SPINK13: variants seen among roughly 807,000 people sequenced by gnomAD.
The protein encoded by SPINK13 is serine peptidase inhibitor Kazal type 13, also known as serine protease inhibitor Kazal-type 13.
In SPINK13, 11 loss-of-function variants were observed where a neutral mutation model predicts 11.0. The ratio of observed to expected loss-of-function variants is 1.00; its 90% CI spans 0.63 to 1.65. The LOEUF (loss-of-function observed/expected upper bound fraction) is 1.65, where lower values mean the gene tolerates loss of function less well. SPINK13 is among the 40% of genes most tolerant of loss of function. The probability of loss-of-function intolerance (pLI) is 0.00; values close to 1 mark genes in which losing one functional copy is unlikely to be tolerated. For missense variants in SPINK13, 113 were observed against 117.7 expected (o/e 0.96, Z 0.19); for synonymous variants, 31 against 35.6 (o/e 0.87, Z 0.46).
chr5:148,281,955 T>C, intron 3 of SPINK13, 149 bp from the exon 4 acceptor site: 1 of 1,123,234 alleles, frequency 8.9e-7, no homozygotes, highest in Non-Finnish European at 1.2e-6. Context: ...GAAACTGGCC[T>C]GACAGAAGGC....
chr5:148,284,588 T>A (rs1394782589), intron 4 of SPINK13, among the ~76,000 whole-genome samples: 1 of 152,158 alleles, frequency 6.6e-6, no homozygotes, highest in Non-Finnish European at 1.5e-5. Context: ...ATGACCTGAA[T>A]GTATAAACTT....
intron 3 of SPINK13, among the ~76,000 whole-genome samples, chr5:148,276,656 T>C (rs1311444450): frequency 2.0e-5 from 3 of 151,166 alleles, no homozygotes; most frequent in Non-Finnish European, 4.5e-5. Context: ...CATTGGTCTA[T>C]ACAGCTGTTT....
intron 1 of SPINK13, among the ~76,000 whole-genome samples, chr5:148,269,835 G>GAA (rs11435083): frequency 4.0e-5 from 6 of 148,892 alleles, no homozygotes; most frequent in African/African-American, 1.5e-4. Context: ...GTTTTTGGCA[G>GAA]AAAAAAAAAA....
intron 1 of SPINK13, among the ~76,000 whole-genome samples, chr5:148,269,795 C>T (rs1349211112): frequency 1.3e-5 from 2 of 152,018 alleles, no homozygotes; most frequent in African/African-American, 4.8e-5. Context: ...CCTAATTTTT[C>T]TTCCAGGCCA....
chr5:148,272,710 GTC>G (rs1756368800), intron 2 of SPINK13, among the ~76,000 whole-genome samples: 2 of 152,276 alleles, frequency 1.3e-5, no homozygotes, highest in Admixed American at 1.3e-4. Flanking sequence ...CTTCAGGTCT[GTC>G]TTTAACAAAT....
chr5:148,276,332 C>T (rs539105072), intron 3 of SPINK13, among the ~76,000 whole-genome samples: 40 of 152,120 alleles, frequency 2.6e-4, no homozygotes, highest in Non-Finnish European at 5.0e-4. Context: ...GCTTCTGTTG[C>T]CAATTGCTTT....
chr5:148,275,828 T>C (rs1009905347), intron 3 of SPINK13, among the ~76,000 whole-genome samples: 2 of 151,906 alleles, frequency 1.3e-5, no homozygotes, highest in African/African-American at 4.8e-5. Context: ...GCCTGGCTAA[T>C]TTTTTGTATT....
At chr5:148,274,476 A>C in intron 3 of SPINK13, 92 bp downstream of exon 3, 1 of 1,032,706 alleles carries the variant, frequency 9.7e-7, no homozygotes. Context: ...AGTCAGGCAC[A>C]GTGGCTCATG....
At chr5:148,273,223 G>A (rs1397694734) in intron 2 of SPINK13, among the ~76,000 whole-genome samples, 1 of 151,298 alleles carries the variant, frequency 6.6e-6, no homozygotes, top group African/African-American at 2.4e-5. Context: ...TATAAATTAT[G>A]CCCTTTATCA....
intron 3 of SPINK13, among the ~76,000 whole-genome samples, chr5:148,275,173 C>T (rs1303077704): frequency 6.6e-6 from 1 of 152,072 alleles, no homozygotes; most frequent in Admixed American, 6.6e-5. Flanking sequence ...TGTAATGTTC[C>T]CTTCCCTGTG....
Position 148,282,111 on chromosome 5 carries a change from G to A in SPINK13, c.116G>A (p.Cys39Tyr), listed in dbSNP as rs374053619. Residue 39 changes from cysteine (C) to tyrosine (Y), a missense_variant, in exon 4 of 5, where the codon TGT (cysteine) becomes TAT (tyrosine). Transcript: ENST00000398450. ...GGTGTCATGTATTTGCAGCCCCGAT[G>A]TAAAATGTATATCCCACTGGACCCT... ...RDFTRWPKPRCKMYIPLDPDY... is the reference protein window; with the variant it reads ...RDFTRWPKPRYKMYIPLDPDY... 1.2e-6 allele frequency: 2 copies of A among 1,613,988 alleles called. No homozygotes were observed. Among genetic ancestry groups the A allele is most frequent in the Non-Finnish European group, 8.5e-7 (1 of 1,179,986 alleles).
At chr5:148,280,753 A>T (rs1756500729) in intron 3 of SPINK13, among the ~76,000 whole-genome samples, 1 of 152,226 alleles carries the variant, frequency 6.6e-6, no homozygotes, top group Admixed American at 6.5e-5. Context: ...CTCAGGAGGC[A>T]CGGGGGTCAG....
chr5:148,285,406 A>G (rs1756575377), intron 4 of SPINK13, among the ~76,000 whole-genome samples: 1 of 151,064 alleles, frequency 6.6e-6, no homozygotes, highest in Non-Finnish European at 1.5e-5. Context: ...TGGATTGTTC[A>G]ATCTACACAG....
rs564953144 is a variant in SPINK13, at chr5:148,279,552, T to G, written c.109-2552T>G. 4.6e-5 allele frequency among the ~76,000 whole-genome samples: 7 copies of G among 152,290 alleles called. No homozygotes were observed. In the South Asian group the frequency reaches 1.4e-3, roughly 32 times the overall value. On this transcript the variant is annotated intron_variant, in intron 3 of 4. Coordinates refer to ENST00000398450, the MANE Select transcript of SPINK13 (RefSeq NM_001040129.3). ...CTTCCCTTATGAAGCTTAGTTTGGT[T>G]GGATATGAAATTCTGGGTTGAAAAT...
chr5:148,283,292 A>C (rs1756544350), intron 4 of SPINK13, among the ~76,000 whole-genome samples: 1 of 152,148 alleles, frequency 6.6e-6, no homozygotes, highest in African/African-American at 2.4e-5. Flanking sequence ...GATCAAACTG[A>C]TATGGAGTGC....
intron 3 of SPINK13, among the ~76,000 whole-genome samples, chr5:148,275,666 CTTTTTTTT>C (rs768312591): frequency 7.0e-6 from 1 of 142,350 alleles, no homozygotes; most frequent in Non-Finnish European, 1.5e-5. Context: ...GACTTTTTTT[CTTTTTTTT>C]TTTTTTGACG....
chr5:148,274,165 G>T (rs1756390064), intron 2 of SPINK13, among the ~76,000 whole-genome samples, 182 bp from the exon 3 acceptor site: 1 of 151,970 alleles, frequency 6.6e-6, no homozygotes, highest in South Asian at 2.1e-4. Flanking sequence ...CTGTGAAAAA[G>T]AAAAAGTGGA....
At chr5:148,285,681 T>C (rs1756579103) in intron 4 of SPINK13, among the ~76,000 whole-genome samples, 1 of 152,150 alleles carries the variant, frequency 6.6e-6, no homozygotes, top group Admixed American at 6.6e-5. Context: ...ATTGCTGTGG[T>C]TATCTTTTAC....
Position 148,286,145 on chromosome 5 carries a change from T to G in SPINK13, c.*97T>G. ...GAGAATGTAAATTAAATAACATCCC[T>G]ATGCTGTACTTAAATGTCGAACAAA... On this transcript the variant is annotated 3_prime_UTR_variant, in exon 5 of 5. Coordinates refer to ENST00000398450, the MANE Select transcript of SPINK13 (RefSeq NM_001040129.3). The G allele has an allele frequency of 1.4e-6, 1 of 720,524 alleles. No homozygotes were observed. Among genetic ancestry groups the G allele is most frequent in the Non-Finnish European group, 2.1e-6 (1 of 475,648 alleles). The allele number at this position is 720,524 out of a possible 1,614,324, so 44.6% of individuals were successfully genotyped here. A position where few individuals can be genotyped will look rare whatever the true frequency, so the allele number is the denominator to read the frequency against.
Sources: gnomAD v4.1 joint callset for allele counts (sites outside exome capture counted in the v4.1 genomes callset) on GRCh38, gnomAD v4.1.1 for gene constraint, MANE v1.5 for transcripts, NCBI Gene and HGNC (gene_info 2026-07-23, HGNC 2026-07-21) for gene names.